PTPN3: variants seen among roughly 807,000 people sequenced by gnomAD.
The protein encoded by PTPN3 is protein tyrosine phosphatase non-receptor type 3.
PTPN3 carries 96 observed loss-of-function variants against 132.7 expected under a neutral mutation model. That is an observed-to-expected ratio of 0.72 (90% CI 0.61 to 0.86). The LOEUF is 0.86. PTPN3 is among the 40% of genes least tolerant of loss of function. The pLI is 0.00. For synonymous variants in PTPN3, 398 were observed against 429.0 expected (o/e 0.93, Z 0.89); for missense variants, 1,125 against 1,159.6 (o/e 0.97, Z 0.43).
At chr9:109,449,686 C>T in intron 5 of PTPN3, 3 of 985,442 alleles carry the variant, frequency 3.0e-6, no homozygotes, top group Non-Finnish European at 3.6e-6. Context: ...TTTTTAAACC[C>T]AGATTCAAAC....
intron 21 of PTPN3, among the ~76,000 whole-genome samples, chr9:109,390,300 G>T (rs1424186739): frequency 6.6e-6 from 1 of 152,218 alleles, no homozygotes; most frequent in Non-Finnish European, 1.5e-5. Context: ...CTTAATCTGA[G>T]AAATCATCTG....
At chr9:109,455,743 G>A (rs998728804) in intron 4 of PTPN3, among the ~76,000 whole-genome samples, 2 of 152,070 alleles carry the variant, frequency 1.3e-5, no homozygotes, top group Admixed American at 6.5e-5. Context: ...GTCCCCTATC[G>A]TGTGCTTACT....
chr9:109,528,554 G>C, the PTPN3 span, among the ~76,000 whole-genome samples: 4 of 152,320 alleles, frequency 2.6e-5, no homozygotes, highest in African/African-American at 9.6e-5. Flanking sequence ...AGGCAAAATA[G>C]TGTTTATCTT....
At chr9:109,415,072 ATCC>A (rs1842380509) in intron 14 of PTPN3, among the ~76,000 whole-genome samples, 1 of 88,316 alleles carries the variant, frequency 1.1e-5, no homozygotes, top group African/African-American at 4.0e-5. Flanking sequence ...CCGTCCGTCC[ATCC>A]AACCATCCAT....
intron 23 of PTPN3, 44 bp from the exon 24 acceptor site, chr9:109,382,491 A>T: frequency 6.2e-7 from 1 of 1,609,444 alleles, no homozygotes; most frequent in East Asian, 2.2e-5. Context: ...CCAGGTGGTG[A>T]GCATGAGGAC....
the PTPN3 span, among the ~76,000 whole-genome samples, chr9:109,527,868 G>A: frequency 2.4e-4 from 37 of 152,198 alleles, no homozygotes; most frequent in Admixed American, 5.9e-4. Flanking sequence ...ACATATATCC[G>A]ACAGAGGACT....
intron 10 of PTPN3, among the ~76,000 whole-genome samples, chr9:109,430,729 C>T (rs1463243473): frequency 1.3e-5 from 2 of 152,172 alleles, no homozygotes; most frequent in Admixed American, 6.5e-5. Context: ...TGCAGGAATG[C>T]CTAGAGTCTC....
chr9:109,447,307 G>A (rs1344212685), intron 6 of PTPN3, among the ~76,000 whole-genome samples: 1 of 152,122 alleles, frequency 6.6e-6, no homozygotes, highest in Non-Finnish European at 1.5e-5. Context: ...CAAACTATCT[G>A]TGGAAAAGAC....
Position 109,377,737 on chromosome 9 carries a change from C to T in PTPN3, c.*1819G>A, listed in dbSNP as rs374737737. On this transcript the variant is annotated 3_prime_UTR_variant, in exon 26 of 26. Transcript: ENST00000374541. ...TGCTGTTCTAGCCGATAAAAAGTCA[C>T]ATGAATAGCGTGATCTTATTCAATC... 6.6e-6 allele frequency: 1 copy of T among 152,204 alleles called. No homozygotes were observed. Among genetic ancestry groups the T allele is most frequent in the African/African-American group, 2.4e-5 (1 of 41,452 alleles). The allele number at this position is 152,204 out of a possible 1,614,324, so 9.4% of individuals were successfully genotyped here.
intron 5 of PTPN3, chr9:109,449,763 G>A (rs1424771626): frequency 2.0e-6 from 2 of 985,282 alleles, no homozygotes; most frequent in Non-Finnish European, 2.4e-6. Flanking sequence ...AATATAGACA[G>A]GGCAGAAGTG....
the PTPN3 span, among the ~76,000 whole-genome samples, chr9:109,512,602 G>A: frequency 6.6e-6 from 1 of 152,196 alleles, no homozygotes; most frequent in East Asian, 1.9e-4. Flanking sequence ...TAAGGTGTGT[G>A]ACCACACATT....
chr9:109,487,360 G>A lies in PTPN3; in HGVS notation c.-18+10859C>T, dbSNP rs141837109. ...GGGAGGGCCCCCCTGGCCGCAAAGCGCAGAGCATATTATCTAAAAGTGTCA... is the reference window on the plus strand; with the variant it reads ...GGGAGGGCCCCCCTGGCCGCAAAGCACAGAGCATATTATCTAAAAGTGTCA... On this transcript the variant is annotated intron_variant, in intron 1 of 25. Coordinates refer to ENST00000374541, the MANE Select transcript of PTPN3 (RefSeq NM_002829.4). Among the ~76,000 whole-genome samples, 1,140 of 152,316 alleles carry A rather than the reference G, an allele frequency of 7.5e-3. 57 individuals carry two copies. Among genetic ancestry groups the A allele is most frequent in the Admixed American group, 0.069 (1,058 of 15,300 alleles).
At chr9:109,470,202 C>A (rs1846307971) in intron 1 of PTPN3, among the ~76,000 whole-genome samples, 2 of 152,208 alleles carry the variant, frequency 1.3e-5, no homozygotes, top group Non-Finnish European at 2.9e-5. Context: ...TAACGTATTG[C>A]AGACACATGC....
chr9:109,533,001 G>C, the PTPN3 span: 1 of 490,260 alleles, frequency 2.0e-6, no homozygotes, highest in Admixed American at 5.7e-5. Flanking sequence ...TGTCCCCCAG[G>C]CTGGAGTGCA....
At chr9:109,393,455 G>A (rs927483621) in intron 19 of PTPN3, among the ~76,000 whole-genome samples, 13 of 144,636 alleles carry the variant, frequency 9.0e-5, no homozygotes, top group African/African-American at 3.1e-4. Context: ...GTGCGATCTC[G>A]GCTCACTGTA....
chr9:109,413,323 T>C (rs932528472), intron 14 of PTPN3, among the ~76,000 whole-genome samples: 1 of 152,118 alleles, frequency 6.6e-6, no homozygotes, highest in African/African-American at 2.4e-5. Context: ...AAATGGCTGA[T>C]TTTTGGCCTG....
chr9:109,423,495 A>G (rs978569513), intron 12 of PTPN3, among the ~76,000 whole-genome samples: 4 of 152,138 alleles, frequency 2.6e-5, no homozygotes, highest in Non-Finnish European at 5.9e-5. Flanking sequence ...AATTCCAGCT[A>G]CTTGGGAGGC....
intron 9 of PTPN3, among the ~76,000 whole-genome samples, chr9:109,436,398 A>G (rs766841159): frequency 1.3e-5 from 2 of 152,234 alleles, no homozygotes; most frequent in Non-Finnish European, 2.9e-5. Flanking sequence ...GACAGATGAC[A>G]GATGTTAGTA....
chr9:109,525,231 AT>A, the PTPN3 span, among the ~76,000 whole-genome samples: 1 of 151,756 alleles, frequency 6.6e-6, no homozygotes, highest in African/African-American at 2.4e-5. Context: ...TTAAAAAAAA[AT>A]GTTTTTGTAG....
Sources: gnomAD v4.1 joint callset for allele counts (sites outside exome capture counted in the v4.1 genomes callset) on GRCh38, gnomAD v4.1.1 for gene constraint, MANE v1.5 for transcripts, NCBI Gene and HGNC (gene_info 2026-07-23, HGNC 2026-07-21) for gene names.